The following IL1RAPL1 variants were observed in gnomAD, a reference collection of about 807,000 sequenced individuals.
IL1RAPL1 encodes interleukin-1 receptor accessory protein-like 1.
Under a neutral mutation model 48.4 loss-of-function variants are expected in IL1RAPL1, and 3 were observed. The observed-to-expected ratio is 0.06, with a 90% CI of 0.03 to 0.16. The LOEUF is 0.16. IL1RAPL1 is among the 10% of genes least tolerant of loss of function. The probability of loss-of-function intolerance (pLI) is 1.00; values close to 1 mark genes in which losing one functional copy is unlikely to be tolerated. For synonymous variants in IL1RAPL1, 185 were observed against 187.7 expected (o/e 0.99, Z 0.12); for missense variants, 349 against 530.6 (o/e 0.66, Z 3.36).
At chrX:29,944,722 G>T (rs756531839) in intron 9 of IL1RAPL1, among the ~76,000 whole-genome samples, 2 of 110,920 alleles carry the variant, frequency 1.8e-5, no homozygotes, top group South Asian at 3.8e-4. Context: ...TAGCTTTCTG[G>T]TAAAGGAAAA....
At chrX:28,972,114 A>G (rs1473193559) in intron 2 of IL1RAPL1, among the ~76,000 whole-genome samples, 1 of 110,929 alleles carries the variant, frequency 9.0e-6, no homozygotes, top group African/African-American at 3.3e-5. Context: ...GAACTGTTGT[A>G]ATAACCTACT....
At chrX:29,651,741 A>G (rs1388660678) in intron 5 of IL1RAPL1, among the ~76,000 whole-genome samples, 1 of 111,776 alleles carries the variant, frequency 8.9e-6, no homozygotes, top group Non-Finnish European at 1.9e-5. Context: ...AGTACATTGT[A>G]TTCTTGACAA....
intron 2 of IL1RAPL1, among the ~76,000 whole-genome samples, chrX:28,973,266 G>A (rs151150026): frequency 1.8e-5 from 2 of 112,283 alleles, no homozygotes; most frequent in African/African-American, 6.5e-5. Flanking sequence ...CATCAAACAT[G>A]CTCATACATA....
chrX:28,682,112 G>GT (rs144793432), intron 1 of IL1RAPL1, among the ~76,000 whole-genome samples: 24,964 of 110,758 alleles, frequency 0.23, 2,219 homozygotes, highest in Admixed American at 0.37. Flanking sequence ...GTTGTAGCAT[G>GT]TATCAGTCCT....
intron 1 of IL1RAPL1, among the ~76,000 whole-genome samples, chrX:28,740,942 T>C (rs1156315993): frequency 8.9e-6 from 1 of 112,006 alleles, no homozygotes; most frequent in African/African-American, 3.2e-5. Context: ...GTAAATGGTA[T>C]TGCAGTTAAC....
rs1322246129 is a variant in IL1RAPL1 at position 28,930,060 on chromosome X, G to A, written c.82+140635G>A. On this transcript the variant is annotated intron_variant, in intron 2 of 10. Coordinates refer to ENST00000378993, the MANE Select transcript of IL1RAPL1 (RefSeq NM_014271.4). ...CTGTGGACAGCTTAGCTCTACACAAGACCTTCTGTCCATCTTGCTAGTTAT... is the reference window on the plus strand; with the variant it reads ...CTGTGGACAGCTTAGCTCTACACAAAACCTTCTGTCCATCTTGCTAGTTAT... Among the ~76,000 whole-genome samples, 3 of 111,821 alleles carry A rather than the reference G, an allele frequency of 2.7e-5. No individual in the cohort carries two copies. In the Admixed American group the frequency reaches 2.9e-4, roughly 11 times the overall value.
chrX:28,995,458 A>C (rs1195291028), intron 2 of IL1RAPL1, among the ~76,000 whole-genome samples: 1 of 111,505 alleles, frequency 9.0e-6, no homozygotes, highest in African/African-American at 3.3e-5. Context: ...TAAGAGGTAG[A>C]AGAAAAGGAG....
chrX:29,586,296 A>G (rs367560497), intron 5 of IL1RAPL1, among the ~76,000 whole-genome samples: 1 of 111,843 alleles, frequency 8.9e-6, no homozygotes, highest in African/African-American at 3.2e-5. Context: ...CATTTGTTAA[A>G]TAGACTGTCC....
intron 1 of IL1RAPL1, among the ~76,000 whole-genome samples, chrX:28,698,415 T>G (rs1440550965): frequency 9.0e-6 from 1 of 111,072 alleles, no homozygotes; most frequent in Non-Finnish European, 1.9e-5. Flanking sequence ...ATGTGTAGAT[T>G]AACCAAATTT....
intron 6 of IL1RAPL1, among the ~76,000 whole-genome samples, chrX:29,881,497 C>G (rs990023405): frequency 1.8e-5 from 2 of 110,890 alleles, no homozygotes; most frequent in African/African-American, 3.3e-5. Flanking sequence ...CATCCCCGCA[C>G]CCCCCTCATG....
At chrX:29,126,339 T>C (rs73210073) in intron 2 of IL1RAPL1, among the ~76,000 whole-genome samples, 5,625 of 112,206 alleles carry the variant, frequency 0.05, 133 homozygotes, top group African/African-American at 0.088. Context: ...AAGTCTGTGA[T>C]TAATTTTTCC....
intron 5 of IL1RAPL1, among the ~76,000 whole-genome samples, chrX:29,659,603 C>A (rs1925781284): frequency 9.0e-6 from 1 of 111,349 alleles, no homozygotes; most frequent in African/African-American, 3.3e-5. Context: ...AATTTCTCTT[C>A]GTGGTTTTTG....
intron 5 of IL1RAPL1, among the ~76,000 whole-genome samples, chrX:29,473,624 G>A (rs778486822): frequency 1.1e-5 from 1 of 93,400 alleles, no homozygotes; most frequent in East Asian, 3.4e-4. Flanking sequence ...CAGAACACAG[G>A]CCATTTTGCA....
chrX:29,790,540 A>G (rs892129964), intron 6 of IL1RAPL1, among the ~76,000 whole-genome samples: 5 of 112,150 alleles, frequency 4.5e-5, no homozygotes, highest in Non-Finnish European at 9.4e-5. Context: ...TTATAAAACT[A>G]TATTACTTAG....
At chrX:28,746,260 A>G (rs1935976447) in intron 1 of IL1RAPL1, among the ~76,000 whole-genome samples, 1 of 111,771 alleles carries the variant, frequency 8.9e-6, no homozygotes, top group South Asian at 3.7e-4. Context: ...CCAAAGTCAA[A>G]ATACTAGAAC....
chrX:28,809,382 G>T (rs1356319920), intron 2 of IL1RAPL1, among the ~76,000 whole-genome samples: 1 of 110,144 alleles, frequency 9.1e-6, no homozygotes, highest in African/African-American at 3.3e-5. Context: ...GATTGGCAAA[G>T]GTAGTTACTT....
intron 2 of IL1RAPL1, among the ~76,000 whole-genome samples, chrX:29,101,101 C>T: frequency 9.0e-6 from 1 of 111,115 alleles, no homozygotes; most frequent in Non-Finnish European, 1.9e-5. Context: ...AATTAACAAA[C>T]CTTTAGCCAG....
chrX:29,341,460 G>A (rs886752987), intron 3 of IL1RAPL1, among the ~76,000 whole-genome samples: 5 of 112,070 alleles, frequency 4.5e-5, no homozygotes, highest in African/African-American at 1.6e-4. Flanking sequence ...ACGTCCTTGA[G>A]CAAAACAGAG....
chrX:29,733,019 A>G (rs1223017953), intron 6 of IL1RAPL1, among the ~76,000 whole-genome samples: 1 of 110,854 alleles, frequency 9.0e-6, no homozygotes, highest in Non-Finnish European at 1.9e-5. Context: ...GTGGCCAAGG[A>G]AGGAAGGAAG....
Sources: gnomAD v4.1 joint callset for allele counts (sites outside exome capture counted in the v4.1 genomes callset) on GRCh38, gnomAD v4.1.1 for gene constraint, MANE v1.5 for transcripts, NCBI Gene and HGNC (gene_info 2026-07-23, HGNC 2026-07-21) for gene names.